Variants in ARHGAP9 observed in about 807,000 individuals in gnomAD.
ARHGAP9 encodes the protein Rho GTPase activating protein 9, also known as rho GTPase-activating protein 9.
A neutral mutation model predicts 87.3 loss-of-function variants in ARHGAP9; 76 were observed. The observed-to-expected ratio is 0.87, with a 90% CI of 0.72 to 1.05. The LOEUF is 1.05. Ranked by LOEUF, ARHGAP9 falls within the 50% of genes least tolerant of loss-of-function variation. The pLI is 0.00. For synonymous variants in ARHGAP9, 382 were observed against 394.9 expected (o/e 0.97, Z 0.39); for missense variants, 941 against 960.5 (o/e 0.98, Z 0.27).
Position 57,474,463 on chromosome 12 carries a change from G to A in ARHGAP9, c.1743C>T (p.Thr581=). Residue 581 remains threonine, a synonymous_variant, in exon 15 of 18, where the codon ACC becomes ACT. Transcript: ENST00000393791. ...RFLVDRERAV[T]SDGRYVFPEQ... ...CTGGGAACACATACCTCCCATCGGA[G>A]GTGACCGCACGCTCTGCAACATGAA... 1 of 1,614,174 alleles carries A rather than the reference G, an allele frequency of 6.2e-7. No individual in the cohort carries two copies. Among genetic ancestry groups the A allele is most frequent in the Non-Finnish European group, 8.5e-7 (1 of 1,180,036 alleles).
At chr12:57,475,422 G>C in intron 11 of ARHGAP9, 24 bp from the exon 12 acceptor site, 1 of 1,581,324 alleles carries the variant, frequency 6.3e-7, no homozygotes, top group East Asian at 2.3e-5. Flanking sequence ...GTAGAGCGGG[G>C]CGTGAGCGCC....
chr12:57,474,896 T>C lies in ARHGAP9; in HGVS notation c.1630A>G (p.Ile544Val), dbSNP rs1463245902. 3.1e-6 allele frequency: 5 copies of C among 1,614,010 alleles called. No individual in the cohort carries two copies. The highest frequency in any genetic ancestry group is 1.3e-5 in the African/African-American group (1 of 74,900). ...TGACCTCTTTTATCCACAGCAGCAA[T>C]GCAGAGCCGCAAAAAGCTGGGCACC... ...DTVPSFLRLC[I>V]AAVDKRGLDV... The change falls in exon 13 of 18, where the codon ATT (isoleucine) becomes GTT (valine). Residue 544 changes from isoleucine (I) to valine (V), a missense_variant. Coordinates refer to ENST00000393791, the MANE Select transcript of ARHGAP9 (RefSeq NM_032496.4).
intron 1 of ARHGAP9, among the ~76,000 whole-genome samples, chr12:57,485,786 G>A (rs959688721): frequency 2.6e-5 from 4 of 152,074 alleles, no homozygotes; most frequent in Non-Finnish European, 5.9e-5. Context: ...GGCCTTAGGT[G>A]GGTGATTCTT....
upstream of ARHGAP9, among the ~76,000 whole-genome samples, chr12:57,482,131 T>C (rs114307791): frequency 5.6e-3 from 846 of 152,290 alleles, 9 homozygotes; most frequent in African/African-American, 0.019. Context: ...AATATTGGCC[T>C]GGTACAGTAG....
At chr12:57,472,767 C>A in intron 17 of ARHGAP9, 79 bp from the exon 18 acceptor site, 1 of 1,484,280 alleles carries the variant, frequency 6.7e-7, no homozygotes, top group Non-Finnish European at 9.3e-7. Flanking sequence ...CTTCAAAGTT[C>A]TGAGCAGGGA....
rs1177858796 is a variant in ARHGAP9, at chr12:57,472,303, G to A, written c.*214C>T. On this transcript the variant is annotated 3_prime_UTR_variant, in exon 18 of 18. Transcript: ENST00000393791. ...ACTTTATGTATTATTATGTTGGGGA[G>A]GAATGATAACAGGGAACAAGAAGAG... The A allele has an allele frequency of 1.6e-6, 1 of 628,224 alleles. No individual in the cohort carries two copies. Among genetic ancestry groups the A allele is most frequent in the Non-Finnish European group, 2.7e-6 (1 of 374,246 alleles). 38.9% of individuals were successfully genotyped at this position (628,224 alleles called of 1,614,324 possible).
In ARHGAP9 at chr12:57,479,846, G is replaced by A. The variant is rs895930004; in HGVS notation, c.-135C>T. The A allele has an allele frequency of 6.0e-6, 9 of 1,494,510 alleles. No homozygotes were observed. Among genetic ancestry groups the A allele is most frequent in the Non-Finnish European group, 7.1e-6 (8 of 1,120,928 alleles). The allele number at this position is 1,494,510 out of a possible 1,614,324, so 92.6% of individuals were successfully genotyped here. ...AAGAATCAGGTTCAAGACAGAAACA[G>A]GGAGACACAAGGTTAATGACAAAGA... On this transcript the variant is annotated 5_prime_UTR_variant, in exon 1 of 18. Transcript: ENST00000393791.
At position 57,476,440 on chromosome 12, in the gene ARHGAP9, G is replaced by A. The variant is rs776316239; in HGVS notation, c.1040C>T (p.Pro347Leu). ...GGRKLRKNWGPSWVVLTGNSL... is the reference protein window; with the variant it reads ...GGRKLRKNWGLSWVVLTGNSL... ...GTTACCCGTTAACACCACCCAAGAC[G>A]GGCCCCAGTTCTTCCTGCGGGGACA... is the stretch of plus-strand genomic sequence containing the variant. The change falls in exon 8 of 18, where the codon CCG (proline) becomes CTG (leucine). Residue 347 changes from proline to leucine, a missense_variant. Transcript: ENST00000393791. 5.6e-6 allele frequency: 9 copies of A among 1,614,058 alleles called. No individual in the cohort carries two copies. The highest frequency in any genetic ancestry group is 2.2e-5 in the East Asian group (1 of 44,860).
Position 57,474,418 on chromosome 12 carries a change from A to C in ARHGAP9, c.1783+5T>G. 1 of 1,614,146 alleles carries C rather than the reference A, an allele frequency of 6.2e-7. No homozygotes were observed. Among genetic ancestry groups the C allele is most frequent in the Non-Finnish European group, 8.5e-7 (1 of 1,179,994 alleles). On this transcript the variant is annotated splice_donor_5th_base_variant and intron_variant, in intron 15 of 17. Coordinates refer to ENST00000393791, the MANE Select transcript of ARHGAP9 (RefSeq NM_032496.4). ...AGGGATCTGAAGGGTCTTCCATGTAAGTACCTTGTCCTGGCTGTTCTGGGA... is the reference window on the plus strand; with the variant it reads ...AGGGATCTGAAGGGTCTTCCATGTACGTACCTTGTCCTGGCTGTTCTGGGA...
At chr12:57,485,563 A>AAC (rs1555164795) in intron 1 of ARHGAP9, among the ~76,000 whole-genome samples, 6 of 150,440 alleles carry the variant, frequency 4.0e-5, no homozygotes, top group Non-Finnish European at 7.4e-5. Context: ...TCTGAAAAAA[A>AAC]AAAAAAACAA....
At chr12:57,478,968 CAA>C (rs1237537294) in intron 2 of ARHGAP9, 121 bp downstream of exon 2, 15 of 1,327,126 alleles carry the variant, frequency 1.1e-5, no homozygotes, top group Non-Finnish European at 1.5e-5. Context: ...CAAAGAAAAA[CAA>C]GAGAAGATGG....
chr12:57,472,620 A>C lies in ARHGAP9; in HGVS notation c.2093T>G (p.Leu698Arg). The change falls in exon 18 of 18, where the codon CTG becomes CGG. Residue 698 changes from leucine (L) to arginine (R), a missense_variant. By Grantham distance (102) the Leu-to-Arg change is moderately radical. Transcript: ENST00000393791. The part of the protein sequence containing the change: ...HNLGIVFGPT[L>R]FRPEQETSDP... The stretch of plus-strand genomic sequence containing the variant: ...AGATGTCTCCTGCTCTGGCCGAAAC[A>C]GGGTTGGTCCAAACACAATTCCCAG... 2.5e-6 allele frequency: 4 copies of C among 1,614,250 alleles called. No individual in the cohort carries two copies. Among genetic ancestry groups the C allele is most frequent in the Non-Finnish European group, 3.4e-6 (4 of 1,180,042 alleles).
At position 57,477,266 on chromosome 12, in the gene ARHGAP9, G is replaced by A. The variant is rs143914870; in HGVS notation, c.760C>T (p.Pro254Ser). 195 of 1,562,174 alleles carry A rather than the reference G, an allele frequency of 1.2e-4. No individual in the cohort carries two copies. Among genetic ancestry groups the A allele is most frequent in the Non-Finnish European group, 1.6e-4 (180 of 1,154,620 alleles). ...PPRRSRSETN[P>S]GSMEGTQTLK... ...GTCTGTGTCCCCTCCATGGAGCCAG[G>A]GTTCTGGGTTAGGGGAGGAGGAAAT... Residue 254 changes from proline (P) to serine (S), a missense_variant, in exon 5 of 18, where the codon CCT becomes TCT. Coordinates refer to ENST00000393791, the MANE Select transcript of ARHGAP9 (RefSeq NM_032496.4).
chr12:57,485,778 C>A (rs979956858), intron 1 of ARHGAP9, among the ~76,000 whole-genome samples: 7 of 151,922 alleles, frequency 4.6e-5, no homozygotes, highest in African/African-American at 1.7e-4. Flanking sequence ...TTTGGGTAGG[C>A]CTTAGGTGGG....
upstream of ARHGAP9, among the ~76,000 whole-genome samples, chr12:57,483,168 A>G (rs143188989): frequency 8.3e-4 from 126 of 152,300 alleles, no homozygotes; most frequent in African/African-American, 2.9e-3. Flanking sequence ...AATGATCACT[A>G]TGATAGAGGA....
At position 57,476,171 on chromosome 12, in the gene ARHGAP9, C is replaced by T; in HGVS notation, c.1117-5G>A. On this transcript the variant is annotated splice_polypyrimidine_tract_variant and splice_region_variant and intron_variant, in intron 8 of 17. Coordinates refer to ENST00000393791, the MANE Select transcript of ARHGAP9 (RefSeq NM_032496.4). ...GGGCCGGCTACCCGCTGGTCCCTGA[C>T]AATGAGGGAGGAAACTGAGGCCACG... 6.5e-7 allele frequency: 1 copy of T among 1,536,172 alleles called. No homozygotes were observed. Among genetic ancestry groups the T allele is most frequent in the Non-Finnish European group, 8.8e-7 (1 of 1,139,798 alleles).
At chr12:57,477,757 C>A in intron 3 of ARHGAP9, 77 bp from the exon 4 acceptor site, 1 of 1,561,718 alleles carries the variant, frequency 6.4e-7, no homozygotes. Flanking sequence ...CTTCCCACCT[C>A]CTGCTCCCTC....
At position 57,477,597 on chromosome 12, in the gene ARHGAP9, T is replaced by C. The variant is rs1874233485; in HGVS notation, c.618A>G (p.Pro206=). 6.2e-7 allele frequency: 1 copy of C among 1,611,074 alleles called. No homozygotes were observed. Among genetic ancestry groups the C allele is most frequent in the East Asian group, 2.2e-5 (1 of 44,774 alleles). ...DLRRCPRSPP[P]GPACPLLQRL... is the part of the protein sequence containing the mutation. ...TCTGCAGCAGGGGGCATGCAGGGCCTGGGGGTGGGGACCGAGGACAGCGGC... is the reference window on the plus strand; with the variant it reads ...TCTGCAGCAGGGGGCATGCAGGGCCCGGGGGTGGGGACCGAGGACAGCGGC... The change falls in exon 4 of 18, where the codon CCA becomes CCG. Residue 206 remains proline, a synonymous_variant. Coordinates refer to ENST00000393791, the MANE Select transcript of ARHGAP9 (RefSeq NM_032496.4).
chr12:57,488,370 C>T, intron 1 of ARHGAP9: 1 of 729,542 alleles, frequency 1.4e-6, no homozygotes. Flanking sequence ...TCACATCTTT[C>T]ACTTCCTTTA....
Sources: gnomAD v4.1 joint callset for allele counts (sites outside exome capture counted in the v4.1 genomes callset) on GRCh38, gnomAD v4.1.1 for gene constraint, MANE v1.5 for transcripts, NCBI Gene and HGNC (gene_info 2026-07-23, HGNC 2026-07-21) for gene names.